Variants in CNIH3 observed in about 807,000 individuals in gnomAD.
CNIH3 encodes protein cornichon homolog 3.
A neutral mutation model predicts 24.1 loss-of-function variants in CNIH3; 14 were observed. That is an observed-to-expected ratio of 0.58 (90% CI 0.38 to 0.91). The LOEUF is 0.91. Among genes scored for constraint, CNIH3 ranks in the 40% least tolerant of loss-of-function variants. The pLI is 0.00. For missense variants in CNIH3, 178 were observed against 196.8 expected, an observed-to-expected ratio of 0.90 and a Z score of 0.57; for synonymous variants, 68 against 73.8, an observed-to-expected ratio of 0.92 and a Z score of 0.40.
chr1:224,570,476 T>C (rs1680770460), intron 4 of CNIH3, among the ~76,000 whole-genome samples: 1 of 152,376 alleles, frequency 6.6e-6, no homozygotes, highest in Admixed American at 6.5e-5. Context: ...GCTGCATCCA[T>C]GTTGCCACAA....
chr1:224,558,609 C>T (rs1680236907), intron 3 of CNIH3, among the ~76,000 whole-genome samples: 1 of 152,240 alleles, frequency 6.6e-6, no homozygotes, highest in South Asian at 2.1e-4. Context: ...CTCTTCCCCA[C>T]TGGAGTAAAC....
intron 1 of CNIH3, among the ~76,000 whole-genome samples, chr1:224,635,169 G>T (rs564374337): frequency 3.9e-5 from 6 of 151,962 alleles, no homozygotes; most frequent in Non-Finnish European, 7.4e-5. Flanking sequence ...AATGGCGGGG[G>T]TCGGGGGGAA....
intron 1 of CNIH3, among the ~76,000 whole-genome samples, chr1:224,440,688 G>A (rs1483271217): frequency 6.6e-6 from 1 of 152,134 alleles, no homozygotes; most frequent in African/African-American, 2.4e-5. Flanking sequence ...TGTTTTCTCT[G>A]GTAGGAAAGA....
At chr1:224,526,490 C>T (rs184174675) in intron 2 of CNIH3, among the ~76,000 whole-genome samples, 1 of 152,290 alleles carries the variant, frequency 6.6e-6, no homozygotes, top group East Asian at 1.9e-4. Flanking sequence ...GCTTGGACTT[C>T]ATGCCTCTGG....
intron 3 of CNIH3, among the ~76,000 whole-genome samples, chr1:224,550,425 TTAAA>T (rs1220466632): frequency 6.6e-6 from 1 of 152,298 alleles, no homozygotes; most frequent in South Asian, 2.1e-4. Flanking sequence ...ACACTAAATG[TTAAA>T]TAAATATCAT....
intron 1 of CNIH3, among the ~76,000 whole-genome samples, chr1:224,657,435 A>C (rs9660752): frequency 0.18 from 27,348 of 150,004 alleles, 2,625 homozygotes; most frequent in African/African-American, 0.24. Flanking sequence ...GAGAGAGAGA[A>C]ATATGCCTCA....
At chr1:224,588,502 T>C (rs1339468597) in exon 6 of CNIH3, 2 of 151,724 alleles carry the variant, frequency 1.3e-5, no homozygotes, top group African/African-American at 2.4e-5. Context: ...AGCACAAGAG[T>C]CATGGCCCAA....
At chr1:224,630,342 G>A (rs1404267582) in intron 1 of CNIH3, among the ~76,000 whole-genome samples, 3 of 152,154 alleles carry the variant, frequency 2.0e-5, no homozygotes, top group Non-Finnish European at 4.4e-5. Flanking sequence ...TTGCCCCTAA[G>A]CTGGGGGTTG....
At position 224,637,871 on chromosome 1, in the gene CNIH3, G is replaced by T. The variant is rs538733956; in HGVS notation, c.81+20616G>T. Among the ~76,000 whole-genome samples the T allele has an allele frequency of 1.4e-4, 22 of 152,228 alleles. No individual in the cohort carries two copies. The South Asian group carries it at 4.3e-3, about 30-fold the overall frequency. On this transcript the variant is annotated intron_variant, in intron 1 of 5. Transcript: ENST00000272133. ...CATCTGTCTGCACCCCACACCCCCAGTCCCCCTGTCTGGCACTCCCTCTCT... is the reference window on the plus strand; with the variant it reads ...CATCTGTCTGCACCCCACACCCCCATTCCCCCTGTCTGGCACTCCCTCTCT...
At position 224,497,250 on chromosome 1, in the gene CNIH3, C is replaced by T. The variant is rs541076011; in HGVS notation, n.204-18491C>T. On this transcript the variant is annotated intron_variant and non_coding_transcript_variant, in intron 1 of 5. Coordinates refer to the CNIH3 transcript ENST00000471578. ...AATTGGGAGTGACTGCTAATAGGTA[C>T]AAGATTTCTTCCTGGGGTGATGAAA... 5.3e-5 allele frequency among the ~76,000 whole-genome samples: 8 copies of T among 152,270 alleles called. No individual in the cohort carries two copies. The East Asian group carries it at 1.5e-3, about 29-fold the overall frequency.
At chr1:224,614,355 GA>G (rs929544497), upstream of CNIH3, among the ~76,000 whole-genome samples, 4 of 152,170 alleles carry the variant, frequency 2.6e-5, no homozygotes, top group Non-Finnish European at 4.4e-5. Flanking sequence ...ACTTCTCACT[GA>G]AAGGCATCTA....
chr1:224,723,719 C>T (rs1188164139), intron 3 of CNIH3, among the ~76,000 whole-genome samples: 5 of 152,204 alleles, frequency 3.3e-5, no homozygotes. Flanking sequence ...AAATAATCTG[C>T]TACTGGTTTC....
At chr1:224,500,426 C>T (rs1379453780) in intron 1 of CNIH3, among the ~76,000 whole-genome samples, 1 of 152,150 alleles carries the variant, frequency 6.6e-6, no homozygotes, top group Non-Finnish European at 1.5e-5. Flanking sequence ...AATCCCAGCA[C>T]TTTGGGAGGC....
At chr1:224,588,094 G>GT (rs1681588221) in intron 5 of CNIH3, among the ~76,000 whole-genome samples, 1 of 152,106 alleles carries the variant, frequency 6.6e-6, no homozygotes, top group Admixed American at 6.5e-5. Context: ...GATATTTGCT[G>GT]TATTCTATTG....
At chr1:224,675,415 G>C (rs1250740395) in intron 1 of CNIH3, among the ~76,000 whole-genome samples, 1 of 152,202 alleles carries the variant, frequency 6.6e-6, no homozygotes, top group East Asian at 1.9e-4. Context: ...AGATTCAAAA[G>C]AGTTCATAGG....
chr1:224,526,722 C>A (rs1309830665), intron 2 of CNIH3, among the ~76,000 whole-genome samples: 1 of 152,152 alleles, frequency 6.6e-6, no homozygotes, highest in Non-Finnish European at 1.5e-5. Flanking sequence ...TACAAAGAAA[C>A]ACCTGAGACT....
chr1:224,559,552 T>C (rs767143863), intron 3 of CNIH3, among the ~76,000 whole-genome samples: 13 of 152,122 alleles, frequency 8.5e-5, no homozygotes, highest in Non-Finnish European at 1.6e-4. Flanking sequence ...TTTAAAATTT[T>C]TGTAGAGATG....
At chr1:224,582,810 C>G (rs1022213480) in intron 4 of CNIH3, among the ~76,000 whole-genome samples, 1 of 152,172 alleles carries the variant, frequency 6.6e-6, no homozygotes, top group Non-Finnish European at 1.5e-5. Flanking sequence ...TGCCATGTAT[C>G]TAAATTGCTC....
At chr1:224,617,289 C>T (rs780540977) in intron 1 of CNIH3, 34 bp downstream of exon 1, 3 of 1,601,276 alleles carry the variant, frequency 1.9e-6, no homozygotes, top group Admixed American at 3.5e-5. Flanking sequence ...CTTCTTTCGC[C>T]CCAATTTCGC....
Sources: allele counts gnomAD v4.1 joint callset (sites outside exome capture counted in the v4.1 genomes callset), GRCh38; gene constraint gnomAD v4.1.1; transcripts MANE v1.5; gene names NCBI Gene and HGNC (gene_info 2026-07-23, HGNC 2026-07-21).